Variants in DOCK3 observed in about 807,000 individuals in gnomAD.
DOCK3 encodes dedicator of cytokinesis protein 3.
DOCK3 carries 60 observed loss-of-function variants against 265.6 expected under a neutral mutation model. That is an observed-to-expected ratio of 0.23 (90% confidence interval 0.18 to 0.28). The LOEUF (loss-of-function observed/expected upper bound fraction) is 0.28, where lower values mean the gene tolerates loss of function less well. Ranked by LOEUF, DOCK3 falls within the 10% of genes least tolerant of loss-of-function variation. The pLI is 1.00. For missense variants in DOCK3, 1,981 were observed against 2,594.3 expected, an observed-to-expected ratio of 0.76 and a Z score of 5.14; for synonymous variants, 881 against 938.0, an observed-to-expected ratio of 0.94 and a Z score of 1.11.
chr3:51,181,139 A>G (rs2087267128), intron 12 of DOCK3, among the ~76,000 whole-genome samples: 1 of 152,180 alleles, frequency 6.6e-6, no homozygotes, highest in African/African-American at 2.4e-5. Flanking sequence ...AAATAGCTTT[A>G]ATTTTTTTTA....
At chr3:51,173,713 C>A (rs1410311685) in intron 12 of DOCK3, among the ~76,000 whole-genome samples, 5 of 152,146 alleles carry the variant, frequency 3.3e-5, no homozygotes, top group African/African-American at 1.2e-4. Flanking sequence ...TTGTATGGGA[C>A]AAGTTGCTTA....
At chr3:51,212,097 G>T (rs1282615445) in intron 13 of DOCK3, among the ~76,000 whole-genome samples, 1 of 152,184 alleles carries the variant, frequency 6.6e-6, no homozygotes, top group African/African-American at 2.4e-5. Flanking sequence ...AAACCCAGAA[G>T]TTCCAAGATC....
intron 5 of DOCK3, among the ~76,000 whole-genome samples, chr3:51,000,366 T>C (rs2078434700): frequency 6.6e-6 from 1 of 152,176 alleles, no homozygotes; most frequent in Non-Finnish European, 1.5e-5. Context: ...CAATAATTTG[T>C]GAATGAAGTC....
At chr3:50,688,151 A>G (rs1175713069) in intron 1 of DOCK3, among the ~76,000 whole-genome samples, 1 of 152,228 alleles carries the variant, frequency 6.6e-6, no homozygotes, top group Non-Finnish European at 1.5e-5. Context: ...CTTCACCAAT[A>G]GTAAAGGGCT....
At chr3:50,882,968 G>C in intron 3 of DOCK3, among the ~76,000 whole-genome samples, 1 of 152,282 alleles carries the variant, frequency 6.6e-6, no homozygotes, top group Non-Finnish European at 1.5e-5. Context: ...TCCTTTGGAG[G>C]GAGATGGATG....
chr3:51,184,957 C>G (rs967607604), intron 12 of DOCK3, among the ~76,000 whole-genome samples: 1 of 152,102 alleles, frequency 6.6e-6, no homozygotes, highest in Non-Finnish European at 1.5e-5. Context: ...CACATTACTT[C>G]TAATCATGGA....
At chr3:50,798,380 A>G (rs2042901636) in intron 2 of DOCK3, among the ~76,000 whole-genome samples, 1 of 152,190 alleles carries the variant, frequency 6.6e-6, no homozygotes, top group African/African-American at 2.4e-5. Context: ...CCTGCTAGGG[A>G]TACCCCAGTT....
intron 23 of DOCK3, among the ~76,000 whole-genome samples, chr3:51,266,422 C>G (rs887199432): frequency 6.6e-6 from 1 of 152,192 alleles, no homozygotes; most frequent in African/African-American, 2.4e-5. Flanking sequence ...TACCTGACTT[C>G]AAACTATACT....
intron 4 of DOCK3, among the ~76,000 whole-genome samples, chr3:50,927,052 C>T (rs1158978209): frequency 2.6e-5 from 4 of 152,208 alleles, no homozygotes; most frequent in African/African-American, 7.2e-5. Flanking sequence ...CTTCCTGTCA[C>T]CCTGTAACCT....
intron 35 of DOCK3, among the ~76,000 whole-genome samples, chr3:51,337,713 T>A (rs565534457): frequency 6.6e-6 from 1 of 152,190 alleles, no homozygotes; most frequent in Non-Finnish European, 1.5e-5. Context: ...TTGGAAAAGA[T>A]CCATTCTCAG....
intron 9 of DOCK3, among the ~76,000 whole-genome samples, chr3:51,145,360 C>T (rs2085250594): frequency 6.6e-6 from 1 of 152,026 alleles, no homozygotes; most frequent in South Asian, 2.1e-4. Context: ...GGTATATCTC[C>T]TAATGCTATC....
intron 10 of DOCK3, among the ~76,000 whole-genome samples, chr3:51,155,586 T>G (rs747294393): frequency 6.6e-6 from 1 of 152,204 alleles, no homozygotes; most frequent in Non-Finnish European, 1.5e-5. Flanking sequence ...TCATACAAAC[T>G]GAGCAGATTA....
intron 1 of DOCK3, among the ~76,000 whole-genome samples, chr3:50,741,927 C>T (rs1288488120): frequency 3.0e-4 from 45 of 152,302 alleles, no homozygotes; most frequent in Admixed American, 2.8e-3. Flanking sequence ...CACATCCTCT[C>T]CAGCACCTGT....
At chr3:50,836,066 T>TA (rs1337079628) in intron 2 of DOCK3, among the ~76,000 whole-genome samples, 6 of 152,178 alleles carry the variant, frequency 3.9e-5, no homozygotes, top group Non-Finnish European at 5.9e-5. Flanking sequence ...GAATTTCTGA[T>TA]ACACCCAAAA....
intron 10 of DOCK3, among the ~76,000 whole-genome samples, chr3:51,150,480 A>G (rs2085526066): frequency 6.6e-6 from 1 of 152,180 alleles, no homozygotes; most frequent in Non-Finnish European, 1.5e-5. Flanking sequence ...ATTTAGTGCT[A>G]TACATTTCCC....
chr3:50,718,733 A>G (rs1350209110), intron 1 of DOCK3, among the ~76,000 whole-genome samples: 1 of 142,014 alleles, frequency 7.0e-6, no homozygotes, highest in African/African-American at 2.6e-5. Context: ...CTCTAGCTGT[A>G]ATTTTTTTCT....
rs555348004 is a variant in DOCK3, at chr3:50,877,937, A to T, written c.163-12089A>T. ...CTGAGACGAAGCTTCCAGAGGAAGG[A>T]TCAGGCAGCAACATTTGCCGTTCTG... On this transcript the variant is annotated intron_variant, in intron 3 of 52. Transcript: ENST00000266037. Among the ~76,000 whole-genome samples the T allele has an allele frequency of 1.4e-3, 207 of 152,296 alleles. 1 individual carries two copies. Among genetic ancestry groups the T allele is most frequent in the African/African-American group, 4.9e-3 (204 of 41,572 alleles).
intron 5 of DOCK3, among the ~76,000 whole-genome samples, chr3:50,978,967 G>A (rs1029672664): frequency 4.6e-5 from 7 of 152,140 alleles, no homozygotes; most frequent in African/African-American, 1.4e-4. Context: ...GACCCCTTGC[G>A]CTTCCCGAGT....
chr3:51,328,442 A>G, intron 32 of DOCK3, among the ~76,000 whole-genome samples: 1 of 152,164 alleles, frequency 6.6e-6, no homozygotes, highest in African/African-American at 2.4e-5. Context: ...ACCTGACTTG[A>G]CATAACCCCA....
Sources: allele counts gnomAD v4.1 joint callset (sites outside exome capture counted in the v4.1 genomes callset), GRCh38; gene constraint gnomAD v4.1.1; transcripts MANE v1.5; gene names NCBI Gene and HGNC (gene_info 2026-07-23, HGNC 2026-07-21).